HEMGN: variants seen among roughly 807,000 people sequenced by gnomAD.
HEMGN encodes the protein erythroid differentiation-associated gene protein.
A neutral mutation model predicts 45.7 loss-of-function variants in HEMGN; 32 were observed. The observed-to-expected ratio is 0.70, with a 90% CI of 0.53 to 0.94. The LOEUF is 0.94. Ranked by LOEUF, HEMGN falls within the 40% of genes least tolerant of loss-of-function variation. The probability of loss-of-function intolerance (pLI) is 0.00; values close to 1 mark genes in which losing one functional copy is unlikely to be tolerated. For synonymous variants in HEMGN, 183 were observed against 178.6 expected (o/e 1.02, Z -0.20); for missense variants, 530 against 564.2 (o/e 0.94, Z 0.61).
chr9:97,930,359 T>C lies in HEMGN; in HGVS notation c.1036A>G (p.Thr346Ala). ...ATTGAATAGTCTTCAGAATGAGGTG[T>C]TTCTTGGATTGTTTTATGAGAGGGG... ...KAPSHKTIQE[T>A]PHSEDYSIEI... Residue 346 changes from threonine (T) to alanine (A), a missense_variant, in exon 3 of 4, where the codon ACA (threonine) becomes GCA (alanine). By Grantham distance (58) the Thr-to-Ala change is moderately conservative. Transcript: ENST00000616898. 6.2e-7 allele frequency: 1 copy of C among 1,613,648 alleles called. No homozygotes were observed. Among genetic ancestry groups the C allele is most frequent in the East Asian group, 2.2e-5 (1 of 44,880 alleles).
At chr9:97,932,572 G>A (rs1826975159) in intron 2 of HEMGN, among the ~76,000 whole-genome samples, 2 of 152,154 alleles carry the variant, frequency 1.3e-5, no homozygotes, top group African/African-American at 2.4e-5. Flanking sequence ...CTGGGAGGCC[G>A]AGGCTGGTGG....
At chr9:97,929,089 A>G (rs1037202407) in intron 3 of HEMGN, among the ~76,000 whole-genome samples, 1 of 152,234 alleles carries the variant, frequency 6.6e-6, no homozygotes, top group Non-Finnish European at 1.5e-5. Context: ...AAAATAAAAT[A>G]AGCGTTAATT....
intron 2 of HEMGN, among the ~76,000 whole-genome samples, chr9:97,935,696 C>T (rs1432353031): frequency 1.3e-5 from 2 of 152,188 alleles, no homozygotes; most frequent in African/African-American, 4.8e-5. Context: ...GGTGAACATA[C>T]AGGTTATCTA....
Position 97,930,976 on chromosome 9 carries a change from C to A in HEMGN, c.419G>T (p.Ser140Ile). The A allele has an allele frequency of 6.2e-7, 1 of 1,614,012 alleles. No individual in the cohort carries two copies. Among genetic ancestry groups the A allele is most frequent in the Non-Finnish European group, 8.5e-7 (1 of 1,179,890 alleles). The change falls in exon 3 of 4, where the codon AGT becomes ATT. Residue 140 changes from serine to isoleucine, a missense_variant. Transcript: ENST00000616898. Reference sequence around the variant, plus strand: ...AGAAAAATTCTCCTGATATATGTTACTTTCTTGACATATTTCAGAAAAGTG... The same window carrying A: ...AGAAAAATTCTCCTGATATATGTTAATTTCTTGACATATTTCAGAAAAGTG... ...EEHFSEICQE[S>I]NIYQENFSEY...
Position 97,927,422 on chromosome 9 carries a change from G to T in HEMGN, c.1417C>A (p.His473Asn). Reference protein sequence around the residue: ...PGIPAILNESHPENDVYSYVL... With the variant: ...PGIPAILNESNPENDVYSYVL... ...TAACTATAGACATCATTTTCTGGAT[G>T]ACTCTCATTCAGAATTGCTGGTATT... is the stretch of plus-strand genomic sequence containing the variant. The change falls in exon 4 of 4, where the codon CAT becomes AAT. Residue 473 changes from histidine (H) to asparagine (N), a missense_variant. By Grantham distance (68) the His-to-Asn change is moderately conservative. Transcript: ENST00000616898. 6.2e-7 allele frequency: 1 copy of T among 1,609,200 alleles called. No homozygotes were observed. The highest frequency in any genetic ancestry group is 1.1e-5 in the South Asian group (1 of 90,298).
chr9:97,942,830 A>G (rs753396651), upstream of HEMGN, among the ~76,000 whole-genome samples: 12 of 152,210 alleles, frequency 7.9e-5, no homozygotes, highest in Non-Finnish European at 8.8e-5. Context: ...GATACTGTTT[A>G]GTCAAAAACA....
At chr9:97,929,914 T>C in intron 3 of HEMGN, 121 bp downstream of exon 3, 3 of 745,484 alleles carry the variant, frequency 4.0e-6, no homozygotes, top group Non-Finnish European at 6.8e-6. Context: ...CACTTAAAAC[T>C]AGTCAATGAA....
chr9:97,927,207 A>G lies in HEMGN; in HGVS notation c.*177T>C. On this transcript the variant is annotated 3_prime_UTR_variant, in exon 4 of 4. Transcript: ENST00000616898. ...CACACACACACACACACATTCTAGC[A>G]TGATATTGTCTATGTGGTAGAGCCT... 1 of 483,306 alleles carries G rather than the reference A, an allele frequency of 2.1e-6. No individual in the cohort carries two copies. Among genetic ancestry groups the G allele is most frequent in the South Asian group, 3.1e-5 (1 of 32,170 alleles). The allele number at this position is 483,306 out of a possible 1,614,324, so 29.9% of individuals were successfully genotyped here.
chr9:97,936,128 C>T (rs1413691517), intron 2 of HEMGN, 43 bp downstream of exon 2: 2 of 1,264,972 alleles, frequency 1.6e-6, no homozygotes, highest in East Asian at 2.3e-5. Flanking sequence ...ATAACATCCT[C>T]AATAAATATA....
At chr9:97,928,977 T>C (rs1826889221) in intron 3 of HEMGN, among the ~76,000 whole-genome samples, 1 of 152,250 alleles carries the variant, frequency 6.6e-6, no homozygotes. Flanking sequence ...GACTTTTACT[T>C]TACTTGATAT....
At chr9:97,936,506 C>T (rs906518064) in intron 1 of HEMGN, among the ~76,000 whole-genome samples, 1 of 152,144 alleles carries the variant, frequency 6.6e-6, no homozygotes, top group Non-Finnish European at 1.5e-5. Context: ...AAGTGTGCTA[C>T]CAACCTATTA....
At chr9:97,927,846 GAAAT>G (rs1449868166) in intron 3 of HEMGN, among the ~76,000 whole-genome samples, 1 of 151,776 alleles carries the variant, frequency 6.6e-6, no homozygotes, top group Admixed American at 6.6e-5. Flanking sequence ...TCGGAAAAAA[GAAAT>G]AAAAAATGTT....
upstream of HEMGN, among the ~76,000 whole-genome samples, chr9:97,941,234 G>A (rs1827147498): frequency 6.6e-6 from 1 of 152,118 alleles, no homozygotes; most frequent in Non-Finnish European, 1.5e-5. Context: ...TGATGGAGGT[G>A]AGAGGCCAGA....
At chr9:97,944,518 T>C (rs563165406) in intron 1 of HEMGN, among the ~76,000 whole-genome samples, 15 of 152,290 alleles carry the variant, frequency 9.8e-5, no homozygotes, top group African/African-American at 3.6e-4. Flanking sequence ...TTGGAAAAGC[T>C]CCCTAAGTGG....
At chr9:97,938,204 A>G, upstream of HEMGN, 3 of 966,584 alleles carry the variant, frequency 3.1e-6, 1 homozygote, top group South Asian at 2.8e-5. Context: ...TTTTTAAAAT[A>G]TCAAAAACAT....
Position 97,930,144 on chromosome 9 carries a change from A to G in HEMGN, c.1251T>C (p.Asp417=), listed in dbSNP as rs1173102377. The part of the protein sequence containing the change: ...DLSTETYKNK[D]VPKECFPEPH... ...GTTCTGGAAAGCATTCTTTAGGCACATCCTTATTTTTATATGTCTCAGTAG... is the reference window on the plus strand; with the variant it reads ...GTTCTGGAAAGCATTCTTTAGGCACGTCCTTATTTTTATATGTCTCAGTAG... The change falls in exon 3 of 4, where the codon GAT becomes GAC. Residue 417 remains aspartate (D), a synonymous_variant. Transcript: ENST00000616898. 6.2e-7 allele frequency: 1 copy of G among 1,614,030 alleles called. No homozygotes were observed. The highest frequency in any genetic ancestry group is 8.5e-7 in the Non-Finnish European group (1 of 1,180,030).
At chr9:97,933,782 G>A (rs1827001467) in intron 2 of HEMGN, among the ~76,000 whole-genome samples, 2 of 152,156 alleles carry the variant, frequency 1.3e-5, no homozygotes, top group African/African-American at 4.8e-5. Flanking sequence ...ACTGTATGGT[G>A]TGTTGTAGTG....
chr9:97,936,408 A>C (rs960767397), intron 1 of HEMGN, 144 bp from the exon 2 acceptor site: 1 of 633,274 alleles, frequency 1.6e-6, no homozygotes, highest in Non-Finnish European at 2.8e-6. Context: ...TTATCCTTGT[A>C]TCTCCAGAGA....
Position 97,930,879 on chromosome 9 carries a change from G to C in HEMGN, c.516C>G (p.Leu172=), listed in dbSNP as rs755598168. 1 of 1,614,102 alleles carries C rather than the reference G, an allele frequency of 6.2e-7. No homozygotes were observed. Among genetic ancestry groups the C allele is most frequent in the African/African-American group, 1.3e-5 (1 of 75,032 alleles). Residue 172 remains leucine (L), a synonymous_variant, in exon 3 of 4, where the codon CTC becomes CTG. Coordinates refer to ENST00000616898, the MANE Select transcript of HEMGN (RefSeq NM_197978.3). ...ATATTTCTTGGTACATTTTAGGAGA[G>C]AGGTCTTCAGGTTCAGACACATGTT... ...TCQHVSEPED[L]SPKMYQEISV...
Sources: gnomAD v4.1 joint callset for allele counts (sites outside exome capture counted in the v4.1 genomes callset) on GRCh38, gnomAD v4.1.1 for gene constraint, MANE v1.5 for transcripts, NCBI Gene and HGNC (gene_info 2026-07-23, HGNC 2026-07-21) for gene names.